Variants in LTBP1 observed in about 807,000 individuals in gnomAD.
LTBP1 encodes latent transforming growth factor beta binding protein 1, also known as latent-transforming growth factor beta-binding protein 1.
Under a neutral mutation model 207.6 loss-of-function variants are expected in LTBP1, and 129 were observed. The observed-to-expected ratio is 0.62, with a 90% CI of 0.54 to 0.72. The LOEUF is 0.72. LTBP1 is among the 30% of genes least tolerant of loss of function. The probability of loss-of-function intolerance (pLI) is 0.00; values close to 1 mark genes in which losing one functional copy is unlikely to be tolerated. For missense variants in LTBP1, 2,281 were observed against 2,217.2 expected (o/e 1.03, Z -0.58); for synonymous variants, 963 against 833.7 (o/e 1.16, Z -2.67).
chr2:32,952,594 G>A (rs1247242286), intron 2 of LTBP1, among the ~76,000 whole-genome samples: 1 of 152,082 alleles, frequency 6.6e-6, no homozygotes, highest in Non-Finnish European at 1.5e-5. Flanking sequence ...TTCCAAGTGG[G>A]GCATTAAACC....
intron 5 of LTBP1, among the ~76,000 whole-genome samples, chr2:33,172,886 A>G (rs1227980397): frequency 9.9e-5 from 15 of 152,138 alleles, no homozygotes; most frequent in South Asian, 2.1e-4. Context: ...AAACTGAACA[A>G]CCTGCTCCTG....
At chr2:33,257,830 C>A (rs1205359401) in intron 12 of LTBP1, among the ~76,000 whole-genome samples, 1 of 152,194 alleles carries the variant, frequency 6.6e-6, no homozygotes, top group African/African-American at 2.4e-5. Flanking sequence ...AATTTCATTT[C>A]TTGTCTAGAA....
intron 5 of LTBP1, among the ~76,000 whole-genome samples, chr2:33,149,588 A>G (rs1426316244): frequency 2.0e-5 from 3 of 152,168 alleles, no homozygotes; most frequent in South Asian, 4.1e-4. Context: ...CTTGATTTAC[A>G]TTTGATAATT....
At chr2:33,141,860 T>G (rs2082666694) in intron 5 of LTBP1, among the ~76,000 whole-genome samples, 1 of 152,182 alleles carries the variant, frequency 6.6e-6, no homozygotes, top group South Asian at 2.1e-4. Flanking sequence ...TCGACCTGCT[T>G]TGTATCAGGG....
chr2:33,196,462 G>A (rs2088577314), intron 7 of LTBP1, among the ~76,000 whole-genome samples: 1 of 152,044 alleles, frequency 6.6e-6, no homozygotes, highest in Admixed American at 6.6e-5. Flanking sequence ...GTGAGTGTGA[G>A]GTGACATGAG....
chr2:33,390,037 CT>C (rs1220962290), intron 32 of LTBP1, among the ~76,000 whole-genome samples: 1 of 152,146 alleles, frequency 6.6e-6, no homozygotes, highest in Non-Finnish European at 1.5e-5. Context: ...GTATTGCAGC[CT>C]TTTTTTCCTA....
At chr2:33,286,464 C>A (rs2093666508) in intron 19 of LTBP1, among the ~76,000 whole-genome samples, 1 of 152,148 alleles carries the variant, frequency 6.6e-6, no homozygotes, top group Admixed American at 6.5e-5. Context: ...TAGACTAATC[C>A]AAAATTGAAG....
intron 15 of LTBP1, among the ~76,000 whole-genome samples, chr2:33,267,342 G>A (rs952051815): frequency 2.0e-4 from 30 of 152,236 alleles, no homozygotes; most frequent in Non-Finnish European, 4.0e-4. Context: ...AACAAGCTCA[G>A]TGGGTGCAAG....
At chr2:33,190,337 A>G (rs1002709982) in intron 7 of LTBP1, among the ~76,000 whole-genome samples, 3 of 150,384 alleles carry the variant, frequency 2.0e-5, no homozygotes, top group Non-Finnish European at 4.4e-5. Flanking sequence ...TTAAAAATAT[A>G]TCGTGTGTGT....
rs1323736812 is a variant in LTBP1, at chr2:33,263,405, T to A, written c.2617+13T>A. 6.3e-7 allele frequency: 1 copy of A among 1,591,820 alleles called. No homozygotes were observed. Among genetic ancestry groups the A allele is most frequent in the Non-Finnish European group, 8.6e-7 (1 of 1,160,360 alleles). ...ACTCAAGTGACAGGTTGGTGCAGTATTTTTACATTATATATCACATGGAGG... is the reference window on the plus strand; with the variant it reads ...ACTCAAGTGACAGGTTGGTGCAGTAATTTTACATTATATATCACATGGAGG... On this transcript the variant is annotated intron_variant, in intron 15 of 33. Transcript: ENST00000404816.
intron 3 of LTBP1, among the ~76,000 whole-genome samples, chr2:33,093,110 A>G (rs191186934): frequency 1.3e-5 from 2 of 152,362 alleles, no homozygotes; most frequent in East Asian, 1.9e-4. Context: ...ACTCCAGCAG[A>G]CATTTTCTGA....
intron 3 of LTBP1, among the ~76,000 whole-genome samples, chr2:33,041,665 C>A (rs2076192481): frequency 6.6e-6 from 1 of 152,190 alleles, no homozygotes; most frequent in African/African-American, 2.4e-5. Flanking sequence ...ATTTATTCTG[C>A]AAACTCTTAA....
intron 23 of LTBP1, among the ~76,000 whole-genome samples, chr2:33,312,423 G>A (rs897573135): frequency 1.3e-5 from 2 of 152,158 alleles, no homozygotes; most frequent in African/African-American, 4.8e-5. Flanking sequence ...CATGTTAATA[G>A]TCTCTTTAGA....
chr2:33,258,851 G>C (rs1340429449), intron 12 of LTBP1, among the ~76,000 whole-genome samples: 2 of 152,126 alleles, frequency 1.3e-5, no homozygotes, highest in Non-Finnish European at 2.9e-5. Context: ...TGACTTATGA[G>C]AAAAATCCTG....
rs1559070975 is a variant in LTBP1 at position 33,363,480 on chromosome 2, A to G, written c.4361A>G (p.Gln1454Arg). Residue 1454 changes from glutamine (Q) to arginine (R), a missense_variant, in exon 29 of 34, where the codon CAA becomes CGA. Physicochemically the swap from Gln to Arg is conservative, Grantham distance 43 (BLOSUM62 1). This residue lies in a region of LTBP1 where 1,671 missense variants were observed against 1,634.8 expected (regional missense o/e 1.02). Transcript: ENST00000404816. ...CCTGGGTATGAATGCTACTGTAAGC[A>G]AGGGACGTACTATGATCCTGTGAAA... ...TRPGYECYCK[Q>R]GTYYDPVKLQ... 1 of 1,613,940 alleles carries G rather than the reference A, an allele frequency of 6.2e-7. No individual in the cohort carries two copies. Among genetic ancestry groups the G allele is most frequent in the Non-Finnish European group, 8.5e-7 (1 of 1,179,852 alleles).
chr2:33,392,626 G>A (rs1259578299), intron 32 of LTBP1, among the ~76,000 whole-genome samples: 3 of 152,192 alleles, frequency 2.0e-5, no homozygotes, highest in Non-Finnish European at 4.4e-5. Flanking sequence ...ATAGGTAGCA[G>A]GCCAGATTTG....
rs536800497 is a variant in LTBP1 at position 33,214,777 on chromosome 2, G to C, written c.1702-2775G>C. On this transcript the variant is annotated intron_variant, in intron 7 of 33. Coordinates refer to ENST00000404816, the MANE Select transcript of LTBP1 (RefSeq NM_206943.4). ...ACGTGTCTGCAGGAGTTACTGCCCC[G>C]GTTTCAAGAGATGTGATGGTCTTGG... Among the ~76,000 whole-genome samples the C allele has an allele frequency of 2.6e-5, 4 of 151,972 alleles. No individual in the cohort carries two copies. In the South Asian group the frequency reaches 8.3e-4, roughly 32 times the overall value.
chr2:33,176,911 G>A (rs975811955), intron 5 of LTBP1, among the ~76,000 whole-genome samples: 1 of 152,192 alleles, frequency 6.6e-6, no homozygotes, highest in African/African-American at 2.4e-5. Context: ...TGATGAGGAT[G>A]GCTAACGTTT....
chr2:33,315,322 T>C (rs2094253227), intron 24 of LTBP1, 53 bp downstream of exon 24: 2 of 1,600,418 alleles, frequency 1.2e-6, no homozygotes, highest in East Asian at 2.2e-5. Flanking sequence ...AGAGAGGAGA[T>C]TGCTTTCACT....
Sources: allele counts gnomAD v4.1 joint callset (sites outside exome capture counted in the v4.1 genomes callset), GRCh38; gene constraint gnomAD v4.1.1; regional missense constraint gnomAD v4.1.1; transcripts MANE v1.5; gene names NCBI Gene and HGNC (gene_info 2026-07-23, HGNC 2026-07-21).